UBAP1: variants seen among roughly 807,000 people sequenced by gnomAD.
UBAP1 encodes ubiquitin associated protein 1.
UBAP1 carries 5 observed loss-of-function variants against 39.0 expected under a neutral mutation model. That is an observed-to-expected ratio of 0.13 (90% CI 0.07 to 0.27). The LOEUF (loss-of-function observed/expected upper bound fraction) is 0.27, where lower values mean the gene tolerates loss of function less well. UBAP1 is among the 10% of genes least tolerant of loss of function. The pLI, the probability that UBAP1 is intolerant of heterozygous loss-of-function variation, is 1.00. For synonymous variants in UBAP1, 211 were observed against 225.1 expected, an observed-to-expected ratio of 0.94 and a Z score of 0.56; for missense variants, 490 against 608.1, an observed-to-expected ratio of 0.81 and a Z score of 2.04.
At chr9:34,194,554 TC>T (rs1830915448) in intron 1 of UBAP1, among the ~76,000 whole-genome samples, 1 of 152,150 alleles carries the variant, frequency 6.6e-6, no homozygotes, top group Non-Finnish European at 1.5e-5. Context: ...GACCTCGTGA[TC>T]CTCCTGCCTC....
At chr9:34,227,704 T>C (rs1833176506) in intron 2 of UBAP1, among the ~76,000 whole-genome samples, 1 of 152,202 alleles carries the variant, frequency 6.6e-6, no homozygotes, top group Non-Finnish European at 1.5e-5. Flanking sequence ...ACCGCAGCCA[T>C]GAGGCATGCA....
At position 34,252,411 on chromosome 9, in the gene UBAP1, G is replaced by C. The variant is rs1031746433; in HGVS notation, c.*879G>C. The C allele has an allele frequency of 1.3e-5, 2 of 152,568 alleles. No individual in the cohort carries two copies. Among genetic ancestry groups the C allele is most frequent in the Non-Finnish European group, 2.9e-5 (2 of 68,046 alleles). 9.5% of individuals were successfully genotyped at this position (152,568 alleles called of 1,614,324 possible). On this transcript the variant is annotated 3_prime_UTR_variant, in exon 7 of 7. Transcript: ENST00000297661. ...TCTCTGGTTTGTTTTGTATTATGTT[G>C]TACATCATTAAAGATCTAAATACAA...
intron 1 of UBAP1, among the ~76,000 whole-genome samples, chr9:34,194,520 T>C (rs957132983): frequency 3.3e-5 from 5 of 152,124 alleles, no homozygotes; most frequent in African/African-American, 1.2e-4. Context: ...TTCACTGTTT[T>C]AGCCAGGATG....
At chr9:34,223,213 C>T (rs1038487854) in intron 2 of UBAP1, among the ~76,000 whole-genome samples, 9 of 151,976 alleles carry the variant, frequency 5.9e-5, no homozygotes, top group African/African-American at 2.2e-4. Flanking sequence ...GGCGGATCAC[C>T]TGAGGTCAGG....
chr9:34,223,441 G>A (rs1832868799), intron 2 of UBAP1, among the ~76,000 whole-genome samples: 1 of 151,652 alleles, frequency 6.6e-6, no homozygotes, highest in Non-Finnish European at 1.5e-5. Context: ...CTTAACCAAA[G>A]TGTTATTTTG....
Position 34,249,839 on chromosome 9 carries a change from T to C in UBAP1, c.1144T>C (p.Tyr382His), listed in dbSNP as rs1272029618. ...VPNMPSCPQA[Y>H]SELQMLSPSE... Reference sequence around the variant, plus strand: ...CAACATGCCCAGCTGTCCCCAGGCCTATTCTGAACTGCAGATGCTGTCCCC... The same window carrying C: ...CAACATGCCCAGCTGTCCCCAGGCCCATTCTGAACTGCAGATGCTGTCCCC... The change falls in exon 5 of 7, where the codon TAT (tyrosine) becomes CAT (histidine). Residue 382 changes from tyrosine to histidine, a missense_variant. Tyr to His is a moderately conservative substitution (Grantham distance 83). Around this residue, in one of 3 missense-constraint regions of UBAP1, gnomAD observed 339 missense variants for 390.0 expected, o/e 0.87. Transcript: ENST00000297661. 3.7e-6 allele frequency: 6 copies of C among 1,614,238 alleles called. No individual in the cohort carries two copies. The highest frequency in any genetic ancestry group is 2.7e-5 in the African/African-American group (2 of 75,068).
At chr9:34,229,197 C>T (rs185613428) in intron 2 of UBAP1, among the ~76,000 whole-genome samples, 85 of 152,014 alleles carry the variant, frequency 5.6e-4, no homozygotes, top group African/African-American at 2.0e-3. Context: ...GTGTATATCA[C>T]ACTGTAGTAG....
intron 1 of UBAP1, among the ~76,000 whole-genome samples, chr9:34,216,157 CCT>C (rs35233533): frequency 0.34 from 51,411 of 151,062 alleles, 9,565 homozygotes; most frequent in East Asian, 0.74. Flanking sequence ...CTCTGGAGCA[CCT>C]CTCTGCTGCC....
chr9:34,244,487 G>C (rs1285264888), intron 4 of UBAP1, among the ~76,000 whole-genome samples: 1 of 48,088 alleles, frequency 2.1e-5, no homozygotes, highest in Non-Finnish European at 4.1e-5. Flanking sequence ...TTTGGAGACA[G>C]ATTTTGCTCT....
chr9:34,199,190 C>T (rs1831226781), intron 1 of UBAP1, among the ~76,000 whole-genome samples: 1 of 152,144 alleles, frequency 6.6e-6, no homozygotes, highest in Non-Finnish European at 1.5e-5. Context: ...TCTCCTGCCT[C>T]AGCCTCCCGA....
intron 1 of UBAP1, among the ~76,000 whole-genome samples, chr9:34,195,663 T>C (rs1048277057): frequency 1.3e-5 from 2 of 151,756 alleles, no homozygotes; most frequent in African/African-American, 4.8e-5. Context: ...AATGGCGCGA[T>C]CTCGGCTCAC....
chr9:34,223,322 C>T (rs576680932), intron 2 of UBAP1, among the ~76,000 whole-genome samples: 147 of 150,348 alleles, frequency 9.8e-4, no homozygotes, highest in East Asian at 9.9e-4. Context: ...CCCAGCTACT[C>T]GGGAGGCTGA....
chr9:34,214,371 C>A (rs1417562686), intron 1 of UBAP1, among the ~76,000 whole-genome samples: 1 of 152,082 alleles, frequency 6.6e-6, no homozygotes, highest in Non-Finnish European at 1.5e-5. Flanking sequence ...AACCCAAATA[C>A]TTACAGCCAA....
chr9:34,219,905 A>C (rs1331663213), intron 1 of UBAP1, among the ~76,000 whole-genome samples: 3 of 78 alleles, frequency 0.038, no homozygotes, highest in Admixed American at 0.25. Flanking sequence ...CTCCCTTCCC[A>C]CCTCCCCCCT....
At chr9:34,200,373 A>T (rs1831299850) in intron 1 of UBAP1, among the ~76,000 whole-genome samples, 2 of 152,190 alleles carry the variant, frequency 1.3e-5, no homozygotes, top group Non-Finnish European at 2.9e-5. Context: ...TTTCTCTGTC[A>T]GTCTGATCTT....
intron 2 of UBAP1, among the ~76,000 whole-genome samples, chr9:34,228,573 C>A (rs1018128125): frequency 3.4e-5 from 5 of 145,370 alleles, no homozygotes; most frequent in Admixed American, 6.8e-5. Context: ...TTTGTTTCCC[C>A]CCCCCCCTTT....
intron 1 of UBAP1, among the ~76,000 whole-genome samples, chr9:34,204,523 TGAA>T (rs1831579666): frequency 5.9e-5 from 9 of 152,196 alleles, no homozygotes; most frequent in African/African-American, 2.2e-4. Flanking sequence ...AGAATTAAGA[TGAA>T]GTCTTGTGCT....
intron 2 of UBAP1, among the ~76,000 whole-genome samples, chr9:34,229,114 T>G (rs1462137775): frequency 1.3e-5 from 2 of 152,152 alleles, no homozygotes; most frequent in Admixed American, 6.5e-5. Flanking sequence ...GGCAGCCCTT[T>G]AAAGGTATTC....
At position 34,224,279 on chromosome 9, in the gene UBAP1, T is replaced by C. The variant is rs1832926830; in HGVS notation, c.34+3331T>C. 11 of 476,344 alleles carry C rather than the reference T, an allele frequency of 2.3e-5. No individual in the cohort carries two copies. In the South Asian group the frequency reaches 4.4e-4, roughly 19 times the overall value. The allele number at this position is 476,344 out of a possible 1,614,324, so 29.5% of individuals were successfully genotyped here. A position where few individuals can be genotyped will look rare whatever the true frequency, so the allele number is the denominator to read the frequency against. On this transcript the variant is annotated intron_variant, in intron 2 of 6. Transcript: ENST00000297661. ...TAGCGCATAGTGGGACTCGTACCAC[T>C]GTCCATACGGTGTGCTGTCGATGAG...
Sources: gnomAD v4.1 joint callset for allele counts (sites outside exome capture counted in the v4.1 genomes callset) on GRCh38, gnomAD v4.1.1 for gene constraint, gnomAD v4.1.1 regional missense constraint, MANE v1.5 for transcripts, NCBI Gene and HGNC (gene_info 2026-07-23, HGNC 2026-07-21) for gene names.